The following APC2 variants were observed in gnomAD, a reference collection of about 807,000 sequenced individuals.
The protein encoded by APC2 is adenomatous polyposis coli protein 2.
In APC2, 41 loss-of-function variants were observed where a neutral mutation model predicts 72.5. The ratio of observed to expected loss-of-function variants is 0.57; its 90% CI spans 0.44 to 0.73. The LOEUF (loss-of-function observed/expected upper bound fraction) is 0.73, where lower values mean the gene tolerates loss of function less well. Ranked by LOEUF, APC2 falls within the 30% of genes least tolerant of loss-of-function variation. The pLI, the probability that APC2 is intolerant of heterozygous loss-of-function variation, is 0.00. For synonymous variants in APC2, 1,898 were observed against 1,612.0 expected, an observed-to-expected ratio of 1.18 and a Z score of -4.25; for missense variants, 3,729 against 3,403.4, an observed-to-expected ratio of 1.10 and a Z score of -2.38.
rs751191917 is a variant in APC2, at chr19:1,466,429, T to C, written c.3128T>C (p.Leu1043Pro). Residue 1043 changes from leucine (L) to proline (P), a missense_variant, in exon 15 of 15, where the codon CTG becomes CCG. Physicochemically the swap from Leu to Pro is moderately conservative, Grantham distance 98. Coordinates refer to ENST00000590469, the MANE Select transcript of APC2 (RefSeq NM_005883.3). The stretch of plus-strand genomic sequence containing the variant: ...CACCTGAGCAAGGTTCCCGAGAAGC[T>C]GGCGGCTGCCCCGCTGTCTGTGGCC... ...ADHLSKVPEK[L>P]AAAPLSVASK... 5.0e-6 allele frequency: 8 copies of C among 1,597,396 alleles called. No homozygotes were observed. Among genetic ancestry groups the C allele is most frequent in the Non-Finnish European group, 6.8e-6 (8 of 1,178,944 alleles).
At chr19:1,464,057 C>T (rs1210761440) in intron 14 of APC2, among the ~76,000 whole-genome samples, 3 of 151,974 alleles carry the variant, frequency 2.0e-5, no homozygotes, top group Admixed American at 2.0e-4. Flanking sequence ...GCCTGTAATC[C>T]CAGCACTTTG....
chr19:1,458,346 G>A (rs114093647), intron 10 of APC2: 1 of 470,426 alleles, frequency 2.1e-6, no homozygotes, highest in Non-Finnish European at 3.8e-6. Context: ...CGGACCAGAA[G>A]GGCAAAGATA....
Position 1,458,006 on chromosome 19 carries a change from G to T in APC2, c.1249G>T (p.Ala417Ser), listed in dbSNP as rs887801417. The T allele has an allele frequency of 6.4e-7, 1 of 1,567,148 alleles. No individual in the cohort carries two copies. Residue 417 changes from alanine (A) to serine (S), a missense_variant, in exon 10 of 15, where the codon GCT (alanine) becomes TCT (serine). Coordinates refer to ENST00000590469, the MANE Select transcript of APC2 (RefSeq NM_005883.3). ...IEPQICQATCAVMKLSFDEEY... is the reference protein window; with the variant it reads ...IEPQICQATCSVMKLSFDEEY... ...GCCGCAGATCTGCCAGGCCACCTGTGCTGTTATGAAGCTGTCCTTTGATGA... is the reference window on the plus strand; with the variant it reads ...GCCGCAGATCTGCCAGGCCACCTGTTCTGTTATGAAGCTGTCCTTTGATGA...
chr19:1,461,516 G>A, intron 13 of APC2: 1 of 368,240 alleles, frequency 2.7e-6, no homozygotes. Context: ...TTGCGCCACT[G>A]CATTCCAGCC....
In APC2 at chr19:1,470,200, C is replaced by T. The variant is rs1339931333; in HGVS notation, c.6899C>T (p.Thr2300Ile). ...AAAGCCCCGGCCACTGCCTCCGCCA[C>T]CCTCCTGGAATAGTGGCCTAGGCCG... ...AEKAPATASA[T>I]LLE Residue 2300 changes from threonine to isoleucine, a missense_variant, in exon 15 of 15, where the codon ACC (threonine) becomes ATC (isoleucine). By Grantham distance (89) the Thr-to-Ile change is moderately conservative (BLOSUM62 -1). Transcript: ENST00000590469. 1 of 1,596,228 alleles carries T rather than the reference C, an allele frequency of 6.3e-7. No homozygotes were observed. Among genetic ancestry groups the T allele is most frequent in the African/African-American group, 1.3e-5 (1 of 74,294 alleles).
chr19:1,453,727 A>G, intron 4 of APC2, 116 bp downstream of exon 4: 2 of 1,343,804 alleles, frequency 1.5e-6, no homozygotes, highest in Non-Finnish European at 2.0e-6. Flanking sequence ...CACACGCCCC[A>G]CCCACTTGCA....
chr19:1,460,788 G>T lies in APC2; in HGVS notation c.1452G>T (p.Leu484=). 6.2e-7 allele frequency: 1 copy of T among 1,613,072 alleles called. No individual in the cohort carries two copies. Among genetic ancestry groups the T allele is most frequent in the South Asian group, 1.1e-5 (1 of 91,072 alleles). The change falls in exon 12 of 15, where the codon CTG becomes CTT. Residue 484 remains leucine (L), a synonymous_variant. Transcript: ENST00000590469. ...TFGDVANKAT[L]CARRGCMEAI... Reference sequence around the variant, plus strand: ...TGCATAACCCCCAACAGGCCACCCTGTGTGCGCGCCGCGGCTGCATGGAGG... The same window carrying T: ...TGCATAACCCCCAACAGGCCACCCTTTGTGCGCGCCGCGGCTGCATGGAGG...
Position 1,452,804 on chromosome 19 carries a change from A to G in APC2, c.-18-180A>G. ...CTCCACCTGCCCCTCTGCGCCCCGG[A>G]TTGCCTGGCCACCACCACGTGGGCC... On this transcript the variant is annotated intron_variant, in intron 1 of 14. Transcript: ENST00000590469. This position sits in a 1 kb window ranked among gnomAD's most constrained non-coding sequence, Gnocchi z 5.1. 1 of 703,778 alleles carries G rather than the reference A, an allele frequency of 1.4e-6. No individual in the cohort carries two copies. Among genetic ancestry groups the G allele is most frequent in the Non-Finnish European group, 2.3e-6 (1 of 440,440 alleles). 43.6% of individuals were successfully genotyped at this position (703,778 alleles called of 1,614,324 possible). A position where few individuals can be genotyped will look rare whatever the true frequency, so the allele number is the denominator to read the frequency against.
rs1010039520 is a variant in APC2 at position 1,469,474 on chromosome 19, G to C, written c.6173G>C (p.Arg2058Pro). 28 of 1,116,564 alleles carry C rather than the reference G, an allele frequency of 2.5e-5. No homozygotes were observed. The highest frequency in any genetic ancestry group is 7.2e-5 in the South Asian group (2 of 27,938). 69.2% of individuals were successfully genotyped at this position (1,116,564 alleles called of 1,614,324 possible). A position where few individuals can be genotyped will look rare whatever the true frequency, so the allele number is the denominator to read the frequency against. ...CCCCGGCAGGGCCCGGCCCCGGCCC[G>C]GCAGCGGCCCCCCGCGGCCCGACCC... ...AAPRQGPAPA[R>P]QRPPAARPSP... The change falls in exon 15 of 15, where the codon CGG becomes CCG. Residue 2058 changes from arginine to proline, a missense_variant. Physicochemically the swap from Arg to Pro is moderately radical, Grantham distance 103. Transcript: ENST00000590469.
chr19:1,458,082 G>C (rs1406619799), intron 10 of APC2, 22 bp downstream of exon 10: 2 of 1,550,436 alleles, frequency 1.3e-6, no homozygotes. Flanking sequence ...AGGTCCTCTG[G>C]GAAGCCATCC....
At chr19:1,459,669 CCT>C (rs2083893357) in intron 10 of APC2, among the ~76,000 whole-genome samples, 1 of 152,182 alleles carries the variant, frequency 6.6e-6, no homozygotes, top group Non-Finnish European at 1.5e-5. Flanking sequence ...TCCTCCTCTC[CCT>C]CTGACTCACA....
Position 1,469,658 on chromosome 19 carries a change from T to C in APC2, c.6357T>C (p.Pro2119=), listed in dbSNP as rs2084097951. The C allele has an allele frequency of 4.0e-6, 5 of 1,256,880 alleles. No individual in the cohort carries two copies. Among genetic ancestry groups the C allele is most frequent in the Non-Finnish European group, 5.0e-6 (5 of 1,005,550 alleles). The allele number at this position is 1,256,880 out of a possible 1,614,324, so 77.9% of individuals were successfully genotyped here. A position where few individuals can be genotyped will look rare whatever the true frequency, so the allele number is the denominator to read the frequency against. ...CCGACGGCGCCGTCCCCGCGGCCCCTGCCTCAGCCGACGCCGCGCGCCGCA... is the reference window on the plus strand; with the variant it reads ...CCGACGGCGCCGTCCCCGCGGCCCCCGCCTCAGCCGACGCCGCGCGCCGCA... ...RRPDGAVPAA[P]ASADAARRSS... The change falls in exon 15 of 15, where the codon CCT becomes CCC. Residue 2119 remains proline, a synonymous_variant. Coordinates refer to ENST00000590469, the MANE Select transcript of APC2 (RefSeq NM_005883.3).
Position 1,466,715 on chromosome 19 carries a change from G to T in APC2, c.3414G>T (p.Gly1138=). ...GGCGTAACCGAGGCCGGGGCCTGGG[G>T]GTGGAAGACGCCACGCCGTCCAGCT... ...APRRNRGRGL[G]VEDATPSSSS... is the part of the protein sequence containing the mutation. Residue 1138 remains glycine (G), a synonymous_variant, in exon 15 of 15, where the codon GGG becomes GGT. Transcript: ENST00000590469. The T allele has an allele frequency of 6.5e-7, 1 of 1,534,284 alleles. No individual in the cohort carries two copies.
Position 1,466,511 on chromosome 19 carries a change from C to G in APC2, c.3210C>G (p.Cys1070Trp). The G allele has an allele frequency of 6.3e-7, 1 of 1,596,438 alleles. No homozygotes were observed. Among genetic ancestry groups the G allele is most frequent in the Non-Finnish European group, 8.5e-7 (1 of 1,178,798 alleles). The change falls in exon 15 of 15, where the codon TGC (cysteine) becomes TGG (tryptophan). Residue 1070 changes from cysteine to tryptophan, a missense_variant. By Grantham distance (215) the Cys-to-Trp change is radical. Coordinates refer to ENST00000590469, the MANE Select transcript of APC2 (RefSeq NM_005883.3). ...AQEGPLSLSR[C>W]SSLSSLSSAG... is the part of the protein sequence containing the mutation. ...AGGGGCCACTCTCGCTGTCCCGATG[C>G]AGCTCCCTTTCCTCGCTGTCCTCGG...
rs760337180 is a variant in APC2, at chr19:1,456,261, GGGTGCTCTGGGACTGTACCCCCGACCCT to G, written c.718-36_718-9del. The G allele has an allele frequency of 5.7e-6, 9 of 1,575,122 alleles. No homozygotes were observed. In the African/African-American group the frequency reaches 6.8e-5, roughly 12 times the overall value. On this transcript the variant is annotated splice_polypyrimidine_tract_variant and intron_variant, in intron 7 of 14. Transcript: ENST00000590469. ...CCACATCATCACGGGTGAGCAGACT[GGGTGCTCTGGGACTGTACCCCCGACCCT>G]GGTGCTCTCCCTGCAGGCCTTGCTG...
chr19:1,457,293 G>C lies in APC2; in HGVS notation c.1207+50G>C, dbSNP rs898583727. On this transcript the variant is annotated intron_variant, in intron 9 of 14. Coordinates refer to ENST00000590469, the MANE Select transcript of APC2 (RefSeq NM_005883.3). ...CCTCCGCGCAATTAACGTGCAGCTA[G>C]GGCTTCCCGGGGGATGGGCGACTAG... The C allele has an allele frequency of 2.0e-6, 3 of 1,469,046 alleles. No homozygotes were observed. The African/African-American group carries it at 4.4e-5, about 22-fold the overall frequency. The allele number at this position is 1,469,046 out of a possible 1,614,324, so 91.0% of individuals were successfully genotyped here. A position where few individuals can be genotyped will look rare whatever the true frequency, so the allele number is the denominator to read the frequency against.
intron 4 of APC2, 36 bp downstream of exon 4, chr19:1,453,647 G>C (rs1018727051): frequency 2.6e-6 from 4 of 1,565,858 alleles, no homozygotes; most frequent in Non-Finnish European, 2.6e-6. Flanking sequence ...CGGGCAGCTG[G>C]AGCATGACTC....
rs777331624 is a variant in APC2 at position 1,468,466 on chromosome 19, C to G, written c.5165C>G (p.Ser1722Cys). Reference sequence around the variant, plus strand: ...TCCGACTCCATCCTGTCCTTCGTATCCGGGCTGTCAGTGGGATCCACCCTA... The same window carrying G: ...TCCGACTCCATCCTGTCCTTCGTATGCGGGCTGTCAGTGGGATCCACCCTA... ...SESDSILSFV[S>C]GLSVGSTLQP... The change falls in exon 15 of 15, where the codon TCC becomes TGC. Residue 1722 changes from serine (S) to cysteine (C), a missense_variant. Transcript: ENST00000590469. The G allele has an allele frequency of 2.4e-5, 38 of 1,600,712 alleles. No homozygotes were observed. The East Asian group carries it at 8.4e-4, about 35-fold the overall frequency.
chr19:1,456,133 G>A lies in APC2; in HGVS notation c.697G>A (p.Val233Met), dbSNP rs756091367. 1.3e-6 allele frequency: 2 copies of A among 1,592,470 alleles called. No homozygotes were observed. Among genetic ancestry groups the A allele is most frequent in the East Asian group, 2.3e-5 (1 of 44,084 alleles). ...DKELLEAQDR[V>M]QQTEPQALLA... ...GGAGCTGCTGGAGGCGCAGGACCGA[G>A]TGCAGCAGACGGAGCCCCAGGTACC... The change falls in exon 7 of 15, where the codon GTG becomes ATG. Residue 233 changes from valine to methionine, a missense_variant. Coordinates refer to ENST00000590469, the MANE Select transcript of APC2 (RefSeq NM_005883.3).
Sources: allele counts gnomAD v4.1 joint callset (sites outside exome capture counted in the v4.1 genomes callset), GRCh38; gene constraint gnomAD v4.1.1; non-coding constraint Gnocchi (gnomAD v3.1); transcripts MANE v1.5; gene names NCBI Gene and HGNC (gene_info 2026-07-23, HGNC 2026-07-21).